Variants in FZD3 observed in about 807,000 individuals in gnomAD.
FZD3 encodes the protein frizzled class receptor 3, also known as frizzled-3.
A neutral mutation model predicts 60.7 loss-of-function variants in FZD3; 30 were observed. The ratio of observed to expected loss-of-function variants is 0.49; its 90% CI spans 0.37 to 0.67. FZD3 has a LOEUF of 0.67. FZD3 is among the 30% of genes least tolerant of loss of function. The probability of loss-of-function intolerance (pLI) is 0.00; values close to 1 mark genes in which losing one functional copy is unlikely to be tolerated. For missense variants in FZD3, 605 were observed against 838.7 expected (o/e 0.72, Z 3.44); for synonymous variants, 246 against 275.2 (o/e 0.89, Z 1.05).
intron 3 of FZD3, among the ~76,000 whole-genome samples, chr8:28,515,238 G>A (rs1337149251): frequency 2.0e-5 from 3 of 152,188 alleles, no homozygotes; most frequent in African/African-American, 7.2e-5. Flanking sequence ...GTTACCAGTG[G>A]CAGTGAATCC....
At chr8:28,519,979 G>A (rs537573671) in intron 3 of FZD3, among the ~76,000 whole-genome samples, 45 of 152,014 alleles carry the variant, frequency 3.0e-4, no homozygotes, top group Admixed American at 2.0e-3. Flanking sequence ...GGAGTCTGAG[G>A]CAGACGGATC....
chr8:28,531,610 A>C (rs1424681478), intron 5 of FZD3, among the ~76,000 whole-genome samples: 1 of 151,992 alleles, frequency 6.6e-6, no homozygotes, highest in Non-Finnish European at 1.5e-5. Flanking sequence ...CCATTTTGGC[A>C]CTCTCAGGCT....
intron 6 of FZD3, among the ~76,000 whole-genome samples, chr8:28,553,355 C>T (rs1430655080): frequency 6.6e-6 from 1 of 152,188 alleles, no homozygotes; most frequent in Non-Finnish European, 1.5e-5. Flanking sequence ...GGCCAAGACC[C>T]TGCTTTCTTA....
At position 28,554,606 on chromosome 8, in the gene FZD3, G is replaced by A. The variant is rs116132817; in HGVS notation, c.1554-1132G>A. Among the ~76,000 whole-genome samples, 639 of 151,902 alleles carry A rather than the reference G, an allele frequency of 4.2e-3. 4 individuals carry two copies. Among genetic ancestry groups the A allele is most frequent in the African/African-American group, 0.015 (615 of 41,446 alleles). ...CTTTAGTTTCTTTGTCTATGAAATG[G>A]GGATTACAATATCTATTATTAATAG... On this transcript the variant is annotated intron_variant, in intron 6 of 7. Transcript: ENST00000240093.
intron 5 of FZD3, among the ~76,000 whole-genome samples, chr8:28,547,042 C>G (rs168456): frequency 0.026 from 4,022 of 152,206 alleles, 218 homozygotes; most frequent in African/African-American, 0.09. Flanking sequence ...AGTCTCCCTT[C>G]TATCACTGCC....
chr8:28,536,128 A>T (rs1271314504), intron 5 of FZD3, among the ~76,000 whole-genome samples: 2 of 152,226 alleles, frequency 1.3e-5, no homozygotes, highest in Non-Finnish European at 2.9e-5. Context: ...TCCTGTTATT[A>T]CAAGTACATA....
intron 5 of FZD3, among the ~76,000 whole-genome samples, chr8:28,548,187 G>A (rs903863989): frequency 2.0e-5 from 3 of 151,868 alleles, no homozygotes; most frequent in African/African-American, 7.2e-5. Flanking sequence ...TAAGTTTTAT[G>A]TCATGGTTAG....
chr8:28,569,744 T>C lies in FZD3; in HGVS notation c.*6733T>C, dbSNP rs2130490944. 1 of 152,308 alleles carries C rather than the reference T, an allele frequency of 6.6e-6. No homozygotes were observed. The highest frequency in any genetic ancestry group is 1.9e-4 in the East Asian group (1 of 5,190). The allele number at this position is 152,308 out of a possible 1,614,324, so 9.4% of individuals were successfully genotyped here. On this transcript the variant is annotated 3_prime_UTR_variant, in exon 8 of 8. Coordinates refer to ENST00000240093, the MANE Select transcript of FZD3 (RefSeq NM_017412.4). ...AAAGTTATAAATATTGGACATGGCT[T>C]TTTTAAATGGGAAAGTCTTCTTAAG...
intron 5 of FZD3, among the ~76,000 whole-genome samples, chr8:28,533,718 A>G (rs1301711634): frequency 2.0e-5 from 3 of 152,150 alleles, no homozygotes; most frequent in South Asian, 2.1e-4. Context: ...TTTTTACCCT[A>G]ACATCTCATG....
At chr8:28,542,874 G>A (rs963301166) in intron 5 of FZD3, among the ~76,000 whole-genome samples, 5 of 152,176 alleles carry the variant, frequency 3.3e-5, no homozygotes, top group African/African-American at 9.7e-5. Flanking sequence ...GGTCATGGTA[G>A]CACTCAGTAT....
Position 28,571,984 on chromosome 8 carries a change from GTT to G in FZD3, c.*8974_*8975del, listed in dbSNP as rs2130494988. 1 of 152,216 alleles carries G rather than the reference GTT, an allele frequency of 6.6e-6. No individual in the cohort carries two copies. The highest frequency in any genetic ancestry group is 2.1e-4 in the South Asian group (1 of 4,822). The allele number at this position is 152,216 out of a possible 1,614,324, so 9.4% of individuals were successfully genotyped here. On this transcript the variant is annotated 3_prime_UTR_variant, in exon 8 of 8. Transcript: ENST00000240093. Reference sequence around the variant, plus strand: ...GTATCATAATTAATAGTAATTATGAGTTATTTCACTCTCTGTAATTTGTGATA... The same window carrying G: ...GTATCATAATTAATAGTAATTATGAGATTTCACTCTCTGTAATTTGTGATA...
At chr8:28,558,439 T>TA (rs200363791) in intron 7 of FZD3, among the ~76,000 whole-genome samples, 6 of 26,678 alleles carry the variant, frequency 2.2e-4, no homozygotes, top group African/African-American at 6.9e-4. Context: ...TTTATTTATT[T>TA]TTTTTTTTTG....
At chr8:28,543,190 T>C (rs530402246) in intron 5 of FZD3, among the ~76,000 whole-genome samples, 1 of 152,344 alleles carries the variant, frequency 6.6e-6, no homozygotes, top group South Asian at 2.1e-4. Flanking sequence ...TCATTACAAT[T>C]CTTAGTTTTA....
intron 3 of FZD3, among the ~76,000 whole-genome samples, chr8:28,513,863 G>A (rs981329377): frequency 1.3e-5 from 2 of 152,130 alleles, no homozygotes; most frequent in African/African-American, 4.8e-5. Flanking sequence ...TCAAATTTTG[G>A]CCTTTGACTG....
chr8:28,502,904 C>T lies in FZD3; in HGVS notation c.-110C>T. On this transcript the variant is annotated 5_prime_UTR_variant, in exon 3 of 8. Coordinates refer to ENST00000240093, the MANE Select transcript of FZD3 (RefSeq NM_017412.4). ...GTATTTAACTGTTTGAAGAATTTAA[C>T]AGTAAGATACAGAAGAAGTACCTTC... is the stretch of plus-strand genomic sequence containing the variant. 4.6e-6 allele frequency: 3 copies of T among 651,198 alleles called. No homozygotes were observed. Among genetic ancestry groups the T allele is most frequent in the Non-Finnish European group, 5.3e-6 (2 of 378,560 alleles). The allele number at this position is 651,198 out of a possible 1,614,324, so 40.3% of individuals were successfully genotyped here.
intron 3 of FZD3, among the ~76,000 whole-genome samples, chr8:28,519,543 A>G (rs1804516884): frequency 6.6e-6 from 1 of 152,072 alleles, no homozygotes; most frequent in Non-Finnish European, 1.5e-5. Flanking sequence ...CAGCCTAGGC[A>G]ACATGGCGAG....
Position 28,496,381 on chromosome 8 carries a change from C to A in FZD3, c.-391+2038C>A, listed in dbSNP as rs377208946. Among the ~76,000 whole-genome samples, 90 of 152,248 alleles carry A rather than the reference C, an allele frequency of 5.9e-4. No homozygotes were observed. In the East Asian group the frequency reaches 0.015, roughly 26 times the overall value. On this transcript the variant is annotated intron_variant, in intron 1 of 7. Transcript: ENST00000240093. ...TCCTTCAGAGACAGATAGTAGGAAA[C>A]AATTCTTACCACTTCTTTGAGCGGT...
chr8:28,549,354 T>C (rs191504874), intron 5 of FZD3, among the ~76,000 whole-genome samples: 1 of 152,292 alleles, frequency 6.6e-6, no homozygotes, highest in African/African-American at 2.4e-5. Context: ...ATAACAATGG[T>C]AAATGAAGAA....
At chr8:28,519,976 G>C (rs1021376672) in intron 3 of FZD3, among the ~76,000 whole-genome samples, 1 of 152,046 alleles carries the variant, frequency 6.6e-6, no homozygotes, top group Non-Finnish European at 1.5e-5. Flanking sequence ...TTGGGAGTCT[G>C]AGGCAGACGG....
Sources: gnomAD v4.1 joint callset for allele counts (sites outside exome capture counted in the v4.1 genomes callset) on GRCh38, gnomAD v4.1.1 for gene constraint, MANE v1.5 for transcripts, NCBI Gene and HGNC (gene_info 2026-07-23, HGNC 2026-07-21) for gene names.